ATXN7: variants seen among roughly 807,000 people sequenced by gnomAD.
ATXN7 encodes the protein ataxin 7.
Under a neutral mutation model 70.5 loss-of-function variants are expected in ATXN7, and 12 were observed. That is an observed-to-expected ratio of 0.17 (90% CI 0.11 to 0.28). ATXN7 has a LOEUF of 0.28. Among genes scored for constraint, ATXN7 ranks in the 10% least tolerant of loss-of-function variants. The pLI is 1.00. For synonymous variants in ATXN7, 498 were observed against 448.7 expected (o/e 1.11, Z -1.39); for missense variants, 1,256 against 1,131.7 (o/e 1.11, Z -1.58).
intron 4 of ATXN7, among the ~76,000 whole-genome samples, chr3:63,931,981 C>G (rs547447756): frequency 1.3e-5 from 2 of 152,228 alleles, no homozygotes; most frequent in African/African-American, 4.8e-5. Flanking sequence ...TGTATATGTG[C>G]AAAATATTGG....
At chr3:63,899,457 C>A (rs1218985086) in intron 2 of ATXN7, among the ~76,000 whole-genome samples, 1 of 151,908 alleles carries the variant, frequency 6.6e-6, no homozygotes, top group East Asian at 1.9e-4. Flanking sequence ...GCAGGAAATT[C>A]CTGGAGGAAT....
chr3:63,960,781 A>G (rs545209378), intron 5 of ATXN7, among the ~76,000 whole-genome samples: 2 of 152,240 alleles, frequency 1.3e-5, no homozygotes, highest in Admixed American at 1.3e-4. Flanking sequence ...GATGTATTAT[A>G]TTAAGTCTTT....
chr3:63,929,341 C>T (rs368162752), intron 4 of ATXN7, among the ~76,000 whole-genome samples: 2 of 149,126 alleles, frequency 1.3e-5, no homozygotes, highest in East Asian at 2.0e-4. Flanking sequence ...GGCGCCATCT[C>T]GGCTCACTGC....
chr3:63,990,077 C>A, intron 9 of ATXN7, 99 bp from the exon 10 acceptor site: 2 of 1,163,582 alleles, frequency 1.7e-6, no homozygotes, highest in Non-Finnish European at 2.5e-6. Flanking sequence ...GGAACCCAGG[C>A]CTCTGCTAGG....
intron 4 of ATXN7, among the ~76,000 whole-genome samples, chr3:63,926,208 T>G (rs1222233257): frequency 6.6e-6 from 1 of 152,214 alleles, no homozygotes; most frequent in African/African-American, 2.4e-5. Context: ...CTAGGTATTT[T>G]CAGGAAAACA....
chr3:63,913,698 C>G (rs886385286), intron 4 of ATXN7, among the ~76,000 whole-genome samples: 2 of 152,202 alleles, frequency 1.3e-5, no homozygotes, highest in African/African-American at 4.8e-5. Flanking sequence ...AAAAGGTCAT[C>G]ATAACCCGGA....
chr3:63,984,721 A>T (rs1415553059), intron 8 of ATXN7, among the ~76,000 whole-genome samples: 1 of 152,212 alleles, frequency 6.6e-6, no homozygotes, highest in Non-Finnish European at 1.5e-5. Flanking sequence ...TATACAGCAG[A>T]TGTCTAGAAC....
intron 5 of ATXN7, among the ~76,000 whole-genome samples, chr3:63,979,655 G>T (rs2075453118): frequency 6.6e-6 from 1 of 152,062 alleles, no homozygotes; most frequent in African/African-American, 2.4e-5. Flanking sequence ...GTTTACGATG[G>T]TTGTCTAATT....
chr3:63,962,008 A>G (rs1017851137), intron 5 of ATXN7, among the ~76,000 whole-genome samples: 1 of 152,192 alleles, frequency 6.6e-6, no homozygotes, highest in African/African-American at 2.4e-5. Context: ...TATGACCAGA[A>G]GAGGGAGTTT....
rs149941363 is a variant in ATXN7 at position 63,871,363 on chromosome 3, T to C, written c.-111+7205T>C. 5.8e-3 allele frequency among the ~76,000 whole-genome samples: 886 copies of C among 152,324 alleles called. 7 individuals are homozygous for C. Among genetic ancestry groups the C allele is most frequent in the African/African-American group, 0.02 (821 of 41,580 alleles). ...GTTCTTACTTTTAGCATTTAAGGGT[T>C]TCCTTCTTGTTAAAAAAAGTAAATT... On this transcript the variant is annotated intron_variant, in intron 1 of 12. Transcript: ENST00000674280.
chr3:63,960,305 A>C (rs1320247765), intron 5 of ATXN7, among the ~76,000 whole-genome samples: 4 of 152,144 alleles, frequency 2.6e-5, no homozygotes. Context: ...TTGAAACTGG[A>C]GAAAGTGGGT....
chr3:63,943,103 G>A (rs2074797860), intron 4 of ATXN7, among the ~76,000 whole-genome samples: 1 of 152,122 alleles, frequency 6.6e-6, no homozygotes, highest in Non-Finnish European at 1.5e-5. Flanking sequence ...AAGCCACAGG[G>A]GCCTGCCTTA....
chr3:63,872,596 A>G (rs1702631754), intron 1 of ATXN7, among the ~76,000 whole-genome samples: 1 of 152,208 alleles, frequency 6.6e-6, no homozygotes, highest in African/African-American at 2.4e-5. Context: ...TAGTCAAAGC[A>G]AGTCACAAGG....
intron 4 of ATXN7, among the ~76,000 whole-genome samples, chr3:63,931,800 T>C (rs1019361552): frequency 1.3e-5 from 2 of 152,106 alleles, no homozygotes; most frequent in African/African-American, 4.8e-5. Context: ...CCCTTGTCAT[T>C]TAGGTGACAT....
At chr3:63,967,223 GGAT>G (rs2075240531) in intron 5 of ATXN7, among the ~76,000 whole-genome samples, 3 of 152,078 alleles carry the variant, frequency 2.0e-5, no homozygotes, top group Non-Finnish European at 4.4e-5. Flanking sequence ...AGAAATTCTT[GGAT>G]TTAAAAGTAT....
intron 12 of ATXN7, chr3:63,998,838 C>T (rs964061292): frequency 1.8e-4 from 59 of 335,690 alleles, no homozygotes; most frequent in Admixed American, 6.5e-4. Context: ...TGTGGAGCTG[C>T]CATTAAAACA....
At chr3:63,936,142 C>T (rs2074658215) in intron 4 of ATXN7, among the ~76,000 whole-genome samples, 1 of 152,180 alleles carries the variant, frequency 6.6e-6, no homozygotes, top group African/African-American at 2.4e-5. Context: ...AGTAAACACA[C>T]AAATAATTGT....
At chr3:63,889,566 G>A (rs1429024879) in intron 1 of ATXN7, among the ~76,000 whole-genome samples, 1 of 152,160 alleles carries the variant, frequency 6.6e-6, no homozygotes. Flanking sequence ...TCAGATGCTG[G>A]TATACTATTT....
intron 1 of ATXN7, among the ~76,000 whole-genome samples, chr3:63,890,717 A>G (rs1703231481): frequency 6.6e-6 from 1 of 152,232 alleles, no homozygotes; most frequent in African/African-American, 2.4e-5. Context: ...ATACTTTATA[A>G]GAGTAGGCTA....
Sources: gnomAD v4.1 joint callset for allele counts (sites outside exome capture counted in the v4.1 genomes callset) on GRCh38, gnomAD v4.1.1 for gene constraint, MANE v1.5 for transcripts, NCBI Gene and HGNC (gene_info 2026-07-23, HGNC 2026-07-21) for gene names.